CNTN1: variants seen among roughly 807,000 people sequenced by gnomAD.
CNTN1 encodes contactin 1, also known as contactin-1.
CNTN1 carries 38 observed loss-of-function variants against 126.4 expected under a neutral mutation model. The observed-to-expected ratio is 0.30, with a 90% CI of 0.23 to 0.39. The LOEUF (loss-of-function observed/expected upper bound fraction) is 0.39, where lower values mean the gene tolerates loss of function less well. Ranked by LOEUF, CNTN1 falls within the 10% of genes least tolerant of loss-of-function variation. CNTN1 has a pLI of 1.00. For missense variants in CNTN1, 1,009 were observed against 1,248.4 expected, an observed-to-expected ratio of 0.81 and a Z score of 2.89; for synonymous variants, 413 against 422.6, an observed-to-expected ratio of 0.98 and a Z score of 0.28.
chr12:40,835,916 G>T (rs1367594653), intron 1 of CNTN1, among the ~76,000 whole-genome samples: 1 of 151,388 alleles, frequency 6.6e-6, no homozygotes, highest in Non-Finnish European at 1.5e-5. Flanking sequence ...GACACTGAGG[G>T]ATACAAGGAT....
At chr12:40,992,697 C>T (rs973487334) in intron 16 of CNTN1, among the ~76,000 whole-genome samples, 2 of 152,092 alleles carry the variant, frequency 1.3e-5, no homozygotes, top group East Asian at 1.9e-4. Flanking sequence ...AGTTATAAAT[C>T]GTTTGCTAGC....
At chr12:40,948,638 C>A (rs1592304810) in intron 14 of CNTN1, among the ~76,000 whole-genome samples, 1 of 152,184 alleles carries the variant, frequency 6.6e-6, no homozygotes, top group East Asian at 1.9e-4. Context: ...GCCTGACTGC[C>A]AACCCTGTAA....
chr12:40,820,207 C>G (rs1941402155), intron 1 of CNTN1, among the ~76,000 whole-genome samples: 1 of 152,148 alleles, frequency 6.6e-6, no homozygotes, highest in Admixed American at 6.5e-5. Context: ...GTACCAGGCT[C>G]TTTTTAACAA....
intron 1 of CNTN1, among the ~76,000 whole-genome samples, chr12:40,775,593 T>C (rs1225072121): frequency 1.3e-5 from 2 of 151,516 alleles, no homozygotes; most frequent in Non-Finnish European, 3.0e-5. Flanking sequence ...AGAAATCGTT[T>C]CTCCTAATCA....
chr12:40,825,341 G>A (rs917811790), intron 1 of CNTN1, among the ~76,000 whole-genome samples: 1 of 151,902 alleles, frequency 6.6e-6, no homozygotes, highest in Admixed American at 6.6e-5. Flanking sequence ...GACAAATTAT[G>A]CATTTTCCAA....
chr12:40,889,000 C>A (rs1032884609), intron 1 of CNTN1, among the ~76,000 whole-genome samples: 11 of 152,232 alleles, frequency 7.2e-5, no homozygotes, highest in African/African-American at 2.4e-4. Flanking sequence ...GCCAGGGATG[C>A]GCTCCATGGA....
chr12:40,799,320 C>T (rs1283968341), intron 1 of CNTN1, among the ~76,000 whole-genome samples: 1 of 151,516 alleles, frequency 6.6e-6, no homozygotes, highest in Non-Finnish European at 1.5e-5. Context: ...TCCATCACTA[C>T]ATAGAATTTG....
chr12:40,827,837 C>T (rs1188335056), intron 1 of CNTN1, among the ~76,000 whole-genome samples: 1 of 151,956 alleles, frequency 6.6e-6, no homozygotes, highest in Non-Finnish European at 1.5e-5. Context: ...GATAGAACAG[C>T]GACTACAGGA....
At chr12:40,981,938 T>TAA (rs777634250) in intron 16 of CNTN1, among the ~76,000 whole-genome samples, 2 of 141,346 alleles carry the variant, frequency 1.4e-5, no homozygotes, top group Non-Finnish European at 1.6e-5. Flanking sequence ...TTTAAAAAAC[T>TAA]AAAAAAAAAA....
At chr12:40,859,535 A>G (rs1053248389) in intron 1 of CNTN1, among the ~76,000 whole-genome samples, 37 of 140,714 alleles carry the variant, frequency 2.6e-4, no homozygotes, top group Middle Eastern at 3.8e-3. Context: ...CAATGGAAAA[A>G]AAAACAACGA....
At chr12:40,993,045 T>C (rs1381806631) in intron 16 of CNTN1, 75 bp from the exon 17 acceptor site, 1 of 1,367,752 alleles carries the variant, frequency 7.3e-7, no homozygotes, top group East Asian at 2.3e-5. Flanking sequence ...CCTGAAATAG[T>C]AAAATAAAAA....
intron 15 of CNTN1, among the ~76,000 whole-genome samples, chr12:40,963,862 C>T (rs1592330840): frequency 1.3e-5 from 2 of 152,176 alleles, no homozygotes; most frequent in Admixed American, 1.3e-4. Flanking sequence ...TAAAGCTCTT[C>T]AGCTAAAAGA....
chr12:40,740,707 A>ATG (rs1175190212), intron 1 of CNTN1, among the ~76,000 whole-genome samples: 3 of 151,926 alleles, frequency 2.0e-5, no homozygotes, highest in Non-Finnish European at 4.4e-5. Flanking sequence ...TAATCCCCAC[A>ATG]TGCTGTGGGA....
rs935563620 is a variant in CNTN1, at chr12:40,842,007, A to G, written c.-76-66350A>G. On this transcript the variant is annotated intron_variant, in intron 1 of 23. Coordinates refer to ENST00000551295, the MANE Select transcript of CNTN1 (RefSeq NM_001843.4). ...ATTTATACAAATTTTTTTTAAAAAAAGAAATAAATAAAAAGATATTTTTAA... is the reference window on the plus strand; with the variant it reads ...ATTTATACAAATTTTTTTTAAAAAAGGAAATAAATAAAAAGATATTTTTAA... 6.0e-4 allele frequency among the ~76,000 whole-genome samples: 92 copies of G among 152,154 alleles called. 1 individual carries two copies. Among genetic ancestry groups the G allele is most frequent in the Non-Finnish European group, 1.0e-3 (69 of 67,930 alleles).
At chr12:40,765,240 A>G (rs1001466968) in intron 1 of CNTN1, among the ~76,000 whole-genome samples, 4 of 152,278 alleles carry the variant, frequency 2.6e-5, no homozygotes, top group African/African-American at 7.2e-5. Context: ...GTGAATGATG[A>G]GGACATTTTT....
In CNTN1 at chr12:40,831,058, A is replaced by T. The variant is rs1040211716; in HGVS notation, c.-76-77299A>T. 3.5e-5 allele frequency among the ~76,000 whole-genome samples: 5 copies of T among 141,868 alleles called. No individual in the cohort carries two copies. The East Asian group carries it at 9.9e-4, about 28-fold the overall frequency. 93.1% of individuals were successfully genotyped at this position (141,868 alleles called of 152,430 possible). On this transcript the variant is annotated intron_variant, in intron 1 of 23. Coordinates refer to ENST00000551295, the MANE Select transcript of CNTN1 (RefSeq NM_001843.4). ...TACAGTATATATACTATAAATATAT[A>T]CAATACAGTATATATACTATACATA...
chr12:41,062,667 C>T (rs937121832), intron 23 of CNTN1, among the ~76,000 whole-genome samples: 1 of 152,158 alleles, frequency 6.6e-6, no homozygotes, highest in African/African-American at 2.4e-5. Context: ...TCAATAGCTT[C>T]ACATTGACCA....
chr12:40,991,815 G>A (rs1457089652), intron 16 of CNTN1, among the ~76,000 whole-genome samples: 1 of 152,010 alleles, frequency 6.6e-6, no homozygotes, highest in Non-Finnish European at 1.5e-5. Flanking sequence ...GTGACAGAGT[G>A]AGACTCCGTC....
At chr12:40,961,493 G>T (rs1342170226) in intron 15 of CNTN1, among the ~76,000 whole-genome samples, 1 of 151,812 alleles carries the variant, frequency 6.6e-6, no homozygotes, top group Non-Finnish European at 1.5e-5. Flanking sequence ...ATTATTATTG[G>T]TCTATTTATT....
Sources: gnomAD v4.1 joint callset for allele counts (sites outside exome capture counted in the v4.1 genomes callset) on GRCh38, gnomAD v4.1.1 for gene constraint, MANE v1.5 for transcripts, NCBI Gene and HGNC (gene_info 2026-07-23, HGNC 2026-07-21) for gene names.